The following MMS19 variants were observed in gnomAD, a reference collection of about 807,000 sequenced individuals.
MMS19 encodes the protein MMS19 nucleotide excision repair protein homolog.
In MMS19, 77 loss-of-function variants were observed where a neutral mutation model predicts 129.8. The ratio of observed to expected loss-of-function variants is 0.59; its 90% CI spans 0.49 to 0.72. MMS19 has a LOEUF of 0.72. Ranked by LOEUF, MMS19 falls within the 30% of genes least tolerant of loss-of-function variation. The probability of loss-of-function intolerance (pLI) is 0.00; values close to 1 mark genes in which losing one functional copy is unlikely to be tolerated. For synonymous variants in MMS19, 491 were observed against 502.8 expected, an observed-to-expected ratio of 0.98 and a Z score of 0.31; for missense variants, 1,168 against 1,266.3, an observed-to-expected ratio of 0.92 and a Z score of 1.18.
chr10:97,459,759 G>C lies in MMS19; in HGVS notation c.2657-18C>G. On this transcript the variant is annotated intron_variant, in intron 26 of 30. Transcript: ENST00000438925. The stretch of plus-strand genomic sequence containing the variant: ...CTTCACATCTGTAAAAAATGGAAAG[G>C]CTTAGGGGAGAAATTGGACTTAGAT... 3 of 1,575,914 alleles carry C rather than the reference G, an allele frequency of 1.9e-6. No homozygotes were observed. Among genetic ancestry groups the C allele is most frequent in the Non-Finnish European group, 2.6e-6 (3 of 1,151,298 alleles).
chr10:97,491,948 C>A (rs188709293), intron 1 of MMS19, among the ~76,000 whole-genome samples: 5 of 150,644 alleles, frequency 3.3e-5, no homozygotes, highest in Admixed American at 3.3e-4. Flanking sequence ...TGAGACCAGT[C>A]TGGCCAACGT....
At chr10:97,464,841 G>A (rs1288826295) in intron 18 of MMS19, among the ~76,000 whole-genome samples, 2 of 152,150 alleles carry the variant, frequency 1.3e-5, no homozygotes, top group Middle Eastern at 3.4e-3. Flanking sequence ...TGGGACTACA[G>A]GTGCATGCCA....
rs1466807899 is a variant in MMS19, at chr10:97,478,344, T to A, written c.308A>T (p.His103Leu). 1.2e-6 allele frequency: 2 copies of A among 1,605,506 alleles called. No individual in the cohort carries two copies. The highest frequency in any genetic ancestry group is 3.4e-5 in the Admixed American group (2 of 58,826). The part of the protein sequence containing the change: ...LFYENRLKDH[H>L]LVIPSVLQGL... ...CTGCAGGACAGATGGGATCACAAGA[T>A]GATGGTCCTTCAGCCGGTTCTCATA... The change falls in exon 4 of 31, where the codon CAT becomes CTT. Residue 103 changes from histidine (H) to leucine (L), a missense_variant. This residue lies in a region of MMS19 where 329 missense variants were observed against 328.6 expected (regional missense o/e 1.00). Transcript: ENST00000438925.
chr10:97,496,800 G>A (rs7068965), intron 1 of MMS19, among the ~76,000 whole-genome samples: 71,433 of 151,942 alleles, frequency 0.47, 17,045 homozygotes, highest in South Asian at 0.63. Flanking sequence ...AAAATAAACC[G>A]TCAACAAACT....
In MMS19 at chr10:97,461,373, G is replaced by C. The variant is rs2031856307; in HGVS notation, c.2311+123C>G. 3 of 1,189,400 alleles carry C rather than the reference G, an allele frequency of 2.5e-6. No individual in the cohort carries two copies. In the South Asian group the frequency reaches 4.5e-5, roughly 18 times the overall value. 73.7% of individuals were successfully genotyped at this position (1,189,400 alleles called of 1,614,324 possible). A position where few individuals can be genotyped will look rare whatever the true frequency, so the allele number is the denominator to read the frequency against. Reference sequence around the variant, plus strand: ...CACGGGCAGTCCCAGGACAGTGCTTGAGCAGTTGAAGCCCTGTTAATGTTA... The same window carrying C: ...CACGGGCAGTCCCAGGACAGTGCTTCAGCAGTTGAAGCCCTGTTAATGTTA... On this transcript the variant is annotated intron_variant, in intron 23 of 30. Coordinates refer to ENST00000438925, the MANE Select transcript of MMS19 (RefSeq NM_022362.5).
Position 97,481,058 on chromosome 10 carries a change from A to G in MMS19, c.162-16T>C. ...TAGAGAGGACCTAGGGGAAAACAGG[A>G]TAGAGAGAACCTGCAATTACCCAGT... On this transcript the variant is annotated splice_polypyrimidine_tract_variant and intron_variant, in intron 2 of 30. Transcript: ENST00000438925. 6.8e-7 allele frequency: 1 copy of G among 1,471,504 alleles called. No individual in the cohort carries two copies. The highest frequency in any genetic ancestry group is 1.4e-5 in the African/African-American group (1 of 72,378). The allele number at this position is 1,471,504 out of a possible 1,614,324, so 91.2% of individuals were successfully genotyped here.
chr10:97,474,861 G>C (rs546853540), intron 8 of MMS19, among the ~76,000 whole-genome samples: 1 of 152,296 alleles, frequency 6.6e-6, no homozygotes, highest in African/African-American at 2.4e-5. Flanking sequence ...GGGTATGAAA[G>C]AAGTTTAATT....
intron 16 of MMS19, 35 bp downstream of exon 16, chr10:97,466,469 A>G: frequency 6.7e-7 from 1 of 1,502,600 alleles, no homozygotes; most frequent in Non-Finnish European, 9.3e-7. Flanking sequence ...GAGGCAGGGA[A>G]CAGCTTGCTC....
chr10:97,494,516 C>T (rs139596696), intron 1 of MMS19, among the ~76,000 whole-genome samples: 21 of 152,254 alleles, frequency 1.4e-4, no homozygotes, highest in Admixed American at 1.4e-3. Context: ...GCTGATAATG[C>T]CTCAGATATT....
At chr10:97,498,785 C>T, upstream of MMS19, 1 of 264,856 alleles carries the variant, frequency 3.8e-6, no homozygotes, top group South Asian at 7.4e-5. Flanking sequence ...GTGGCGGCGG[C>T]GCGGGCACCG....
intron 3 of MMS19, among the ~76,000 whole-genome samples, chr10:97,479,585 T>C (rs2036386948): frequency 6.6e-6 from 1 of 152,198 alleles, no homozygotes; most frequent in Admixed American, 6.5e-5. Context: ...GTGTGTTATA[T>C]AACTTCCTGG....
rs533204942 is a variant in MMS19, at chr10:97,495,199, G to T, written c.112+3074C>A. Among the ~76,000 whole-genome samples the T allele has an allele frequency of 5.3e-5, 8 of 152,324 alleles. No individual in the cohort carries two copies. The East Asian group carries it at 7.7e-4, about 15-fold the overall frequency. ...CAGGGAACTACGAATAAAGGTGGCT[G>T]CCTGGAATTAAACGTCCAGGGAGCA... On this transcript the variant is annotated intron_variant, in intron 1 of 30. Transcript: ENST00000438925.
chr10:97,497,785 T>C (rs575203313), intron 1 of MMS19, among the ~76,000 whole-genome samples: 1 of 152,318 alleles, frequency 6.6e-6, no homozygotes, highest in South Asian at 2.1e-4. Flanking sequence ...GCCCGTCTCC[T>C]CAACTCCTCT....
rs143233354 is a variant in MMS19, at chr10:97,459,271, G to A, written c.2916C>T (p.Ile972=). 4.7e-5 allele frequency: 76 copies of A among 1,613,116 alleles called. 1 individual carries two copies. The South Asian group carries it at 6.9e-4, about 15-fold the overall frequency. ...LSSSPSMAVR[I]AALQCMHALT... is the part of the protein sequence containing the mutation. ...GAGCATGCATGCACTGCAGTGCGGC[G>A]ATCCGGACAGCCTGGAACACAACCA... The change falls in exon 29 of 31, where the codon ATC becomes ATT. Residue 972 remains isoleucine (I), a synonymous_variant. Transcript: ENST00000438925.
intron 1 of MMS19, among the ~76,000 whole-genome samples, chr10:97,484,479 T>C (rs1394784714): frequency 1.3e-5 from 2 of 152,150 alleles, no homozygotes; most frequent in East Asian, 1.9e-4. Context: ...AAAACCTTCA[T>C]ATATATACAT....
Position 97,466,886 on chromosome 10 carries a change from T to C in MMS19, c.1313A>G (p.Asn438Ser). The change falls in exon 15 of 31, where the codon AAT becomes AGT. Residue 438 changes from asparagine (N) to serine (S), a missense_variant. By Grantham distance (46) the Asn-to-Ser change is conservative. Coordinates refer to ENST00000438925, the MANE Select transcript of MMS19 (RefSeq NM_022362.5). ...SYEDKDQRPL[N>S]GFKDQLCSLV... is the part of the protein sequence containing the mutation. ...TGAGCACAGCTGGTCCTTGAAGCCA[T>C]TCAGAGGCCTTTGATCTAGGGAAGA... is the stretch of plus-strand genomic sequence containing the variant. The C allele has an allele frequency of 1.2e-6, 2 of 1,613,924 alleles. No individual in the cohort carries two copies. The highest frequency in any genetic ancestry group is 1.7e-5 in the Admixed American group (1 of 60,012).
chr10:97,482,737 TACAC>T (rs764606344), intron 2 of MMS19, among the ~76,000 whole-genome samples: 459 of 98,348 alleles, frequency 4.7e-3, no homozygotes, highest in Admixed American at 9.5e-3. Context: ...TGTATATATA[TACAC>T]ACACACACAC....
rs2035862823 is a variant in MMS19, at chr10:97,476,816, C to T, written c.622+19G>A. 1 of 1,613,932 alleles carries T rather than the reference C, an allele frequency of 6.2e-7. No homozygotes were observed. Among genetic ancestry groups the T allele is most frequent in the Non-Finnish European group, 8.5e-7 (1 of 1,179,852 alleles). On this transcript the variant is annotated intron_variant, in intron 7 of 30. Transcript: ENST00000438925. ...TCTGATAAAGCTCCAATGAGCTAAT[C>T]ATGGCTACCACGATATACCCAGGCT...
At chr10:97,493,700 A>G (rs2039333557) in intron 1 of MMS19, among the ~76,000 whole-genome samples, 1 of 152,192 alleles carries the variant, frequency 6.6e-6, no homozygotes, top group African/African-American at 2.4e-5. Context: ...AATTCTTTTA[A>G]TGGTGCAAAT....
Sources: gnomAD v4.1 joint callset for allele counts (sites outside exome capture counted in the v4.1 genomes callset) on GRCh38, gnomAD v4.1.1 for gene constraint, gnomAD v4.1.1 regional missense constraint, MANE v1.5 for transcripts, NCBI Gene and HGNC (gene_info 2026-07-23, HGNC 2026-07-21) for gene names.